Variants in TNS1 observed in about 807,000 individuals in gnomAD.
TNS1 encodes tensin-1.
In TNS1, 62 loss-of-function variants were observed where a neutral mutation model predicts 168.6. The ratio of observed to expected loss-of-function variants is 0.37; its 90% CI spans 0.30 to 0.45. The LOEUF (loss-of-function observed/expected upper bound fraction) is 0.45. TNS1 is among the 20% of genes least tolerant of loss of function. The pLI, the probability that TNS1 is intolerant of heterozygous loss-of-function variation, is 1.00. For missense variants in TNS1, 2,240 were observed against 2,339.4 expected (o/e 0.96, Z 0.88); for synonymous variants, 934 against 933.2 (o/e 1.00, Z -0.02).
At chr2:217,944,697 A>G (rs780353971) in intron 3 of TNS1, among the ~76,000 whole-genome samples, 3 of 152,242 alleles carry the variant, frequency 2.0e-5, no homozygotes, top group Non-Finnish European at 4.4e-5. Flanking sequence ...GCTCCAGTTA[A>G]TGAAATACAT....
At chr2:217,934,508 C>T (rs915266687) in intron 3 of TNS1, among the ~76,000 whole-genome samples, 1 of 152,198 alleles carries the variant, frequency 6.6e-6, no homozygotes, top group South Asian at 2.1e-4. Context: ...CTCTGCACCC[C>T]CATCCCCAGC....
chr2:217,817,677 G>C lies in TNS1; in HGVS notation c.4642+13C>G. 1 of 1,572,820 alleles carries C rather than the reference G, an allele frequency of 6.4e-7. No homozygotes were observed. The highest frequency in any genetic ancestry group is 2.3e-5 in the East Asian group (1 of 44,200). On this transcript the variant is annotated intron_variant, in intron 24 of 32. Transcript: ENST00000682258. ...CAGCAGGAGAGGTGAAAATGGAAGG[G>C]GGAGAGGCCCACCTGGCATGGAGTA...
At chr2:217,967,245 C>A (rs1045447060) in intron 3 of TNS1, among the ~76,000 whole-genome samples, 1 of 152,124 alleles carries the variant, frequency 6.6e-6, no homozygotes, top group Admixed American at 6.5e-5. Context: ...GGCATGAACC[C>A]AGGAGGCGGA....
At chr2:217,871,129 G>A (rs568070640) in intron 18 of TNS1, among the ~76,000 whole-genome samples, 8 of 152,292 alleles carry the variant, frequency 5.3e-5, no homozygotes, top group Admixed American at 6.5e-5. Flanking sequence ...GGGGCCAAGA[G>A]GACAAGAGGA....
At chr2:218,012,806 C>T (rs1038538014), upstream of TNS1, among the ~76,000 whole-genome samples, 3 of 152,336 alleles carry the variant, frequency 2.0e-5, no homozygotes, top group Admixed American at 2.0e-4. Flanking sequence ...TCCAGAACCT[C>T]CTGAAAGATT....
At chr2:217,839,294 T>C (rs1945613487) in intron 19 of TNS1, among the ~76,000 whole-genome samples, 1 of 152,072 alleles carries the variant, frequency 6.6e-6, no homozygotes, top group Admixed American at 6.5e-5. Context: ...CACCCTATGT[T>C]CAAGGAGCCC....
At chr2:218,004,377 CA>C (rs1958633629), upstream of TNS1, among the ~76,000 whole-genome samples, 3 of 151,992 alleles carry the variant, frequency 2.0e-5, no homozygotes, top group Admixed American at 2.0e-4. Context: ...CTCCCCCCCC[CA>C]CTCACCCAAG....
At chr2:217,883,904 A>C (rs1345090516) in intron 16 of TNS1, among the ~76,000 whole-genome samples, 12 of 152,146 alleles carry the variant, frequency 7.9e-5, no homozygotes, top group Non-Finnish European at 1.5e-5. Context: ...TGCCCACTGC[A>C]TGTAGGAAAA....
At chr2:217,920,330 A>T in intron 3 of TNS1, 94 bp from the exon 4 acceptor site, 1 of 696,964 alleles carries the variant, frequency 1.4e-6, no homozygotes, top group South Asian at 1.5e-5. Context: ...CCCCTGCTTC[A>T]TTCCCTCACA....
At chr2:217,918,051 G>A (rs1955275501) in intron 4 of TNS1, among the ~76,000 whole-genome samples, 1 of 152,138 alleles carries the variant, frequency 6.6e-6, no homozygotes, top group East Asian at 1.9e-4. Context: ...GAACGAGAAG[G>A]AGCTGAGGCA....
chr2:217,987,242 C>T (rs1958219258), intron 2 of TNS1, among the ~76,000 whole-genome samples: 2 of 152,202 alleles, frequency 1.3e-5, no homozygotes, highest in Admixed American at 6.5e-5. Context: ...ACCCATCTTA[C>T]AGGCACACAG....
intron 3 of TNS1, among the ~76,000 whole-genome samples, chr2:217,932,922 C>A (rs1441727053): frequency 6.6e-6 from 1 of 152,200 alleles, no homozygotes; most frequent in Non-Finnish European, 1.5e-5. Context: ...GACTGGTGTT[C>A]TGGAACCCCA....
rs1287607852 is a variant in TNS1 at position 217,893,447 on chromosome 2, G to A, written c.709C>T (p.His237Tyr). ...NADPHNVVVL[H>Y]NKGNRGRIGV... The stretch of plus-strand genomic sequence containing the variant: ...ACACACACAGCTCTGACCTTGTTGT[G>A]TAGAACAACGACATTGTGAGGGTCT... The change falls in exon 10 of 33, where the codon CAC becomes TAC. Residue 237 changes from histidine to tyrosine, a missense_variant. Transcript: ENST00000682258. 1 of 1,605,518 alleles carries A rather than the reference G, an allele frequency of 6.2e-7. No individual in the cohort carries two copies. The highest frequency in any genetic ancestry group is 1.3e-5 in the African/African-American group (1 of 74,570).
chr2:217,876,172 G>C (rs940780375), intron 18 of TNS1, among the ~76,000 whole-genome samples: 4 of 152,168 alleles, frequency 2.6e-5, no homozygotes, highest in Non-Finnish European at 4.4e-5. Flanking sequence ...ACCCAGGCCT[G>C]GTCAGCCTGC....
intron 6 of TNS1, among the ~76,000 whole-genome samples, chr2:217,905,730 G>T (rs531347865): frequency 6.6e-6 from 1 of 152,196 alleles, no homozygotes; most frequent in Non-Finnish European, 1.5e-5. Flanking sequence ...GACCAACCCC[G>T]AACGGGGCTC....
chr2:217,877,914 C>T (rs1950331768), intron 18 of TNS1, among the ~76,000 whole-genome samples: 1 of 152,178 alleles, frequency 6.6e-6, no homozygotes, highest in Non-Finnish European at 1.5e-5. Context: ...TCCTCCAAGT[C>T]TCCTGGTGGG....
intron 19 of TNS1, among the ~76,000 whole-genome samples, chr2:217,845,036 A>T (rs1203579743): frequency 6.6e-6 from 1 of 152,216 alleles, no homozygotes; most frequent in African/African-American, 2.4e-5. Flanking sequence ...GTATGCTATA[A>T]ATTTCTGGTC....
chr2:217,944,938 G>T (rs1575126380), intron 3 of TNS1, among the ~76,000 whole-genome samples: 1 of 152,176 alleles, frequency 6.6e-6, no homozygotes. Flanking sequence ...GAAAGGAAGG[G>T]GAAAAGTTAT....
At chr2:217,947,050 C>A (rs1385102228) in intron 3 of TNS1, among the ~76,000 whole-genome samples, 1 of 151,716 alleles carries the variant, frequency 6.6e-6, no homozygotes, top group African/African-American at 2.4e-5. Context: ...CTCCTCCCAA[C>A]TCTTCCTTCC....
Sources: gnomAD v4.1 joint callset for allele counts (sites outside exome capture counted in the v4.1 genomes callset) on GRCh38, gnomAD v4.1.1 for gene constraint, MANE v1.5 for transcripts, NCBI Gene and HGNC (gene_info 2026-07-23, HGNC 2026-07-21) for gene names.